SNED1: variants seen among roughly 807,000 people sequenced by gnomAD.
The protein encoded by SNED1 is sushi, nidogen and EGF-like domain-containing protein 1.
SNED1 carries 81 observed loss-of-function variants against 166.7 expected under a neutral mutation model. The ratio of observed to expected loss-of-function variants is 0.49; its 90% CI spans 0.41 to 0.58. The LOEUF is 0.58. Ranked by LOEUF, SNED1 falls within the 20% of genes least tolerant of loss-of-function variation. SNED1 has a pLI of 0.00. For missense variants in SNED1, 1,604 were observed against 2,000.2 expected (o/e 0.80, Z 3.78); for synonymous variants, 762 against 822.0 (o/e 0.93, Z 1.25).
At chr2:241,065,657 C>T in intron 21 of SNED1, 62 bp downstream of exon 21, 1 of 1,437,912 alleles carries the variant, frequency 7.0e-7, no homozygotes, top group Non-Finnish European at 9.6e-7. Flanking sequence ...CAGCGCTGGC[C>T]CCGGCACCTG....
At chr2:241,034,381 C>T (rs768417133) in intron 3 of SNED1, among the ~76,000 whole-genome samples, 187 bp from the exon 4 acceptor site, 2 of 152,222 alleles carry the variant, frequency 1.3e-5, no homozygotes, top group Non-Finnish European at 2.9e-5. Context: ...CAGAGGTGAG[C>T]TGCCGGAGGA....
At chr2:241,005,932 A>G (rs966160662) in intron 1 of SNED1, among the ~76,000 whole-genome samples, 1 of 152,024 alleles carries the variant, frequency 6.6e-6, no homozygotes, top group Non-Finnish European at 1.5e-5. Flanking sequence ...GTGAGCGTAT[A>G]GTTTCCATGA....
At chr2:241,050,673 C>T (rs1191236409) in intron 12 of SNED1, among the ~76,000 whole-genome samples, 1 of 152,224 alleles carries the variant, frequency 6.6e-6, no homozygotes, top group Non-Finnish European at 1.5e-5. Flanking sequence ...AAAGAGAAGA[C>T]CCCAACTGCT....
Position 241,036,784 on chromosome 2 carries a change from C to G in SNED1, c.806-6C>G, listed in dbSNP as rs1325576282. On this transcript the variant is annotated splice_region_variant and splice_polypyrimidine_tract_variant and intron_variant, in intron 4 of 31. Transcript: ENST00000310397. ...CTGAGGCTCCAGCCCCTCCCTATGT[C>G]TGCAGCGTCCGTGTGCCTGGCCCTG... 3.7e-6 allele frequency: 6 copies of G among 1,606,902 alleles called. No homozygotes were observed. The Admixed American group carries it at 8.3e-5, about 22-fold the overall frequency.
chr2:241,073,154 C>A lies in SNED1; in HGVS notation c.3818-112C>A. On this transcript the variant is annotated intron_variant, in intron 26 of 31. Coordinates refer to ENST00000310397, the MANE Select transcript of SNED1 (RefSeq NM_001080437.3). The surrounding 1 kb of genome is among the most constrained non-coding windows in gnomAD (Gnocchi z 6.6). ...GGGGCCACGCAGGGAGCCTGGTCCC[C>A]ACCAGGGACATCCGTGCTCCCTGAG... 1 of 759,938 alleles carries A rather than the reference C, an allele frequency of 1.3e-6. No homozygotes were observed. The highest frequency in any genetic ancestry group is 1.8e-5 in the South Asian group (1 of 56,554). The allele number at this position is 759,938 out of a possible 1,614,324, so 47.1% of individuals were successfully genotyped here. A position where few individuals can be genotyped will look rare whatever the true frequency, so the allele number is the denominator to read the frequency against.
intron 12 of SNED1, among the ~76,000 whole-genome samples, chr2:241,050,830 G>T (rs933245804): frequency 3.9e-5 from 6 of 152,066 alleles, no homozygotes; most frequent in African/African-American, 1.5e-4. Flanking sequence ...TGTACCCAAG[G>T]TGGGGGTCCT....
At chr2:241,012,089 G>A (rs762600760) in intron 1 of SNED1, among the ~76,000 whole-genome samples, 6 of 152,200 alleles carry the variant, frequency 3.9e-5, no homozygotes, top group African/African-American at 7.2e-5. Context: ...TCAGGGCAGC[G>A]GCTCAGGAGC....
In SNED1 at chr2:241,036,800, C is replaced by T. The variant is rs775963858; in HGVS notation, c.816C>T (p.Cys272=). 1 of 1,608,666 alleles carries T rather than the reference C, an allele frequency of 6.2e-7. No individual in the cohort carries two copies. Among genetic ancestry groups the T allele is most frequent in the South Asian group, 1.1e-5 (1 of 91,068 alleles). Residue 272 remains cysteine, a synonymous_variant, in exon 5 of 32, where the codon TGC becomes TGT. Coordinates refer to ENST00000310397, the MANE Select transcript of SNED1 (RefSeq NM_001080437.3). ...VGGCGHTTSV[C]LALRPCLNGG... is the part of the protein sequence containing the mutation. ...TCCCTATGTCTGCAGCGTCCGTGTGCCTGGCCCTGCGCCCCTGCCTCAACG... is the reference window on the plus strand; with the variant it reads ...TCCCTATGTCTGCAGCGTCCGTGTGTCTGGCCCTGCGCCCCTGCCTCAACG...
In SNED1 at chr2:241,069,790, A is replaced by T; in HGVS notation, c.3308-130A>T. On this transcript the variant is annotated intron_variant, in intron 23 of 31. Transcript: ENST00000310397. The surrounding 1 kb of genome is among the most constrained non-coding windows in gnomAD (Gnocchi z 4.9). Reference sequence around the variant, plus strand: ...AGCCCACACCCCGCCTCGGCACTGTACCATTCTCCATAATAAAGAATCTGG... The same window carrying T: ...AGCCCACACCCCGCCTCGGCACTGTTCCATTCTCCATAATAAAGAATCTGG... 9.3e-7 allele frequency: 1 copy of T among 1,079,050 alleles called. No individual in the cohort carries two copies. The allele number at this position is 1,079,050 out of a possible 1,614,324, so 66.8% of individuals were successfully genotyped here.
chr2:241,003,438 A>T (rs573676138), intron 1 of SNED1, among the ~76,000 whole-genome samples: 1 of 152,324 alleles, frequency 6.6e-6, no homozygotes, highest in East Asian at 1.9e-4. Context: ...CTCCTGTGCC[A>T]CATCCACATG....
At chr2:241,055,116 CAA>C (rs71827347) in intron 16 of SNED1, among the ~76,000 whole-genome samples, 9 of 125,934 alleles carry the variant, frequency 7.1e-5, no homozygotes, top group African/African-American at 2.3e-4. Flanking sequence ...GACTCTGTCT[CAA>C]AAAAAAAAAA....
intron 29 of SNED1, among the ~76,000 whole-genome samples, chr2:241,085,220 A>C (rs1210813085): frequency 6.6e-6 from 1 of 151,726 alleles, no homozygotes; most frequent in Non-Finnish European, 1.5e-5. Flanking sequence ...CATTTCTTCT[A>C]CTTCTGGGAC....
At chr2:241,021,659 T>C (rs1211189081) in intron 1 of SNED1, among the ~76,000 whole-genome samples, 1 of 152,268 alleles carries the variant, frequency 6.6e-6, no homozygotes, top group East Asian at 1.9e-4. Flanking sequence ...TGTTTTTATG[T>C]ATCCATTCAT....
chr2:241,056,828 G>A (rs895993545), intron 16 of SNED1, among the ~76,000 whole-genome samples: 8 of 151,790 alleles, frequency 5.3e-5, no homozygotes, highest in African/African-American at 9.7e-5. Flanking sequence ...TGATCCACCC[G>A]CCTCAGCCTC....
chr2:241,070,236 A>G (rs761424411), intron 24 of SNED1, 35 bp downstream of exon 24: 88 of 1,562,462 alleles, frequency 5.6e-5, no homozygotes, highest in South Asian at 7.0e-5. Flanking sequence ...GGGCGGGGCC[A>G]GTGTTTGCCA....
chr2:241,052,891 G>C (rs2061921978), intron 15 of SNED1, among the ~76,000 whole-genome samples: 1 of 144,704 alleles, frequency 6.9e-6, no homozygotes, highest in Non-Finnish European at 1.5e-5. Flanking sequence ...CCAGTGGCAG[G>C]CAGGTGAGAG....
Position 241,087,463 on chromosome 2 carries a change from A to G in SNED1, c.4193A>G (p.Lys1398Arg). The G allele has an allele frequency of 6.2e-7, 1 of 1,602,870 alleles. No individual in the cohort carries two copies. The highest frequency in any genetic ancestry group is 8.5e-7 in the Non-Finnish European group (1 of 1,174,654). Residue 1398 changes from lysine to arginine, a missense_variant, in exon 30 of 32, where the codon AAG (lysine) becomes AGG (arginine). Physicochemically the swap from Lys to Arg is conservative, Grantham distance 26. Transcript: ENST00000310397. ...AGCTGTGAAAGCACAAGCCTCAAGA[A>G]GACCCCAAACAGGTGCCTCTGGGGA... Reference protein sequence around the residue: ...KESCESTSLKKTPNRKQSKSQ... With the variant: ...KESCESTSLKRTPNRKQSKSQ...
At chr2:241,023,911 A>C in intron 1 of SNED1, among the ~76,000 whole-genome samples, 1 of 19,376 alleles carries the variant, frequency 5.2e-5, no homozygotes, top group East Asian at 2.4e-3. Context: ...TTTTTTTGAG[A>C]CAGAGACTTG....
chr2:241,036,117 C>T lies in SNED1; in HGVS notation c.806-673C>T, dbSNP rs376452709. On this transcript the variant is annotated intron_variant, in intron 4 of 31. Coordinates refer to ENST00000310397, the MANE Select transcript of SNED1 (RefSeq NM_001080437.3). Reference sequence around the variant, plus strand: ...CGGGGTGGGGGTTGGGGAGTAGAGGCGCGCCACGGGGTGGGGAGAGCACCG... The same window carrying T: ...CGGGGTGGGGGTTGGGGAGTAGAGGTGCGCCACGGGGTGGGGAGAGCACCG... Among the ~76,000 whole-genome samples, 5 of 59,384 alleles carry T rather than the reference C, an allele frequency of 8.4e-5. No individual in the cohort carries two copies. The East Asian group carries it at 1.8e-3, about 22-fold the overall frequency. The allele number at this position is 59,384 out of a possible 152,430, so 39.0% of individuals were successfully genotyped here.
Sources: gnomAD v4.1 joint callset for allele counts (sites outside exome capture counted in the v4.1 genomes callset) on GRCh38, gnomAD v4.1.1 for gene constraint, Gnocchi (gnomAD v3.1) non-coding constraint, MANE v1.5 for transcripts, NCBI Gene and HGNC (gene_info 2026-07-23, HGNC 2026-07-21) for gene names.